The following RPL3 variants were observed in gnomAD, a reference collection of about 807,000 sequenced individuals.
RPL3 encodes the protein ribosomal protein L3.
In RPL3, 3 loss-of-function variants were observed where a neutral mutation model predicts 46.0. The ratio of observed to expected loss-of-function variants is 0.07; its 90% CI spans 0.03 to 0.17. RPL3 has a LOEUF of 0.17. Among genes scored for constraint, RPL3 ranks in the 10% least tolerant of loss-of-function variants. The pLI, the probability that RPL3 is intolerant of heterozygous loss-of-function variation, is 1.00. For synonymous variants in RPL3, 224 were observed against 190.8 expected (o/e 1.17, Z -1.43); for missense variants, 387 against 532.7 (o/e 0.73, Z 2.69).
chr22:39,318,913 G>C, intron 1 of RPL3: 2 of 461,376 alleles, frequency 4.3e-6, no homozygotes, highest in South Asian at 3.3e-5. Flanking sequence ...ATGCCAATTA[G>C]CAAGGTTTTG....
chr22:39,313,349 A>G (rs555810906), intron 8 of RPL3, 39 bp from the exon 9 acceptor site: 79 of 1,612,956 alleles, frequency 4.9e-5, no homozygotes, highest in Non-Finnish European at 8.5e-6. Context: ...GATTACGAGG[A>G]GCCAGGCTTT....
rs563044230 is a variant in RPL3 at position 39,319,606 on chromosome 22, C to T, written c.-9G>A. 1.3e-6 allele frequency: 2 copies of T among 1,545,664 alleles called. No individual in the cohort carries two copies. The highest frequency in any genetic ancestry group is 1.8e-6 in the Non-Finnish European group (2 of 1,140,232). ...ATTACAACACATACCATCACGCCAT[C>T]AAATCCCGCCGGTAGAGGCCGGTCG... On this transcript the variant is annotated 5_prime_UTR_variant, in exon 1 of 10. Coordinates refer to ENST00000216146, the MANE Select transcript of RPL3 (RefSeq NM_000967.4).
chr22:39,315,953 T>C (rs1432869871), intron 4 of RPL3, among the ~76,000 whole-genome samples: 3 of 152,092 alleles, frequency 2.0e-5, no homozygotes, highest in African/African-American at 7.2e-5. Flanking sequence ...AGTAAGAAAA[T>C]GCATCACCGG....
chr22:39,318,747 C>G (rs1922861322), intron 1 of RPL3, 155 bp from the exon 2 acceptor site: 1 of 642,824 alleles, frequency 1.6e-6, no homozygotes, highest in Admixed American at 3.0e-5. Flanking sequence ...CTTCCAGGCT[C>G]GCACGTGTCA....
At chr22:39,317,927 C>T in intron 2 of RPL3, 1 of 426,536 alleles carries the variant, frequency 2.3e-6, no homozygotes, top group Non-Finnish European at 4.3e-6. Flanking sequence ...AGTGCCCTAA[C>T]AATAGCTCTG....
intron 5 of RPL3, 104 bp from the exon 6 acceptor site, chr22:39,314,950 GA>G: frequency 6.7e-7 from 1 of 1,481,538 alleles, no homozygotes; most frequent in East Asian, 2.3e-5. Flanking sequence ...CTGAGGGAGT[GA>G]TAAGATTATT....
chr22:39,319,086 C>T (rs752386082), intron 1 of RPL3: 4 of 537,702 alleles, frequency 7.4e-6, no homozygotes, highest in African/African-American at 3.8e-5. Flanking sequence ...CAGTTTCTGT[C>T]CGCCCGTCAA....
At chr22:39,318,277 T>C (rs760309466) in intron 2 of RPL3, 123 bp downstream of exon 2, 2 of 950,030 alleles carry the variant, frequency 2.1e-6, no homozygotes, top group Non-Finnish European at 3.2e-6. Flanking sequence ...GCAGCAGTTC[T>C]GACAACGTGT....
intron 4 of RPL3, 118 bp from the exon 5 acceptor site, chr22:39,315,673 G>T: frequency 8.2e-7 from 1 of 1,212,784 alleles, no homozygotes; most frequent in South Asian, 1.4e-5. Context: ...CAGTAACTCT[G>T]AACAAGTCAC....
At chr22:39,314,508 C>T (rs1234769280) in intron 6 of RPL3, 178 bp downstream of exon 6, 3 of 790,750 alleles carry the variant, frequency 3.8e-6, no homozygotes, top group East Asian at 2.7e-5. Context: ...AGCCACTCTA[C>T]AGGATGGCAC....
intron 7 of RPL3, 138 bp from the exon 8 acceptor site, chr22:39,313,867 G>A (rs757201408): frequency 2.9e-5 from 27 of 927,410 alleles, no homozygotes; most frequent in Admixed American, 6.8e-5. Context: ...AGTCTGTCTC[G>A]GGCGCTGTGC....
At position 39,313,349 on chromosome 22, in the gene RPL3, A is replaced by T; in HGVS notation, c.1048-39T>A. The T allele has an allele frequency of 1.2e-6, 2 of 1,612,956 alleles. 1 individual carries two copies. ...GGGGAAGGGATTTAGGATTACGAGG[A>T]GCCAGGCTTTCCTCAGCACTGTTCA... On this transcript the variant is annotated intron_variant, in intron 8 of 9. Transcript: ENST00000216146.
chr22:39,314,698 C>T lies in RPL3; in HGVS notation c.837G>A (p.Glu279=), dbSNP rs771979459. The stretch of plus-strand genomic sequence containing the variant: ...CTCAGAACCTCACCTTCTTGTTGAT[C>T]TCAGTGCGGTGATGGTAGCCTTTCT... ...AGQKGYHHRT[E]INKKIYKIGQ... is the part of the protein sequence containing the mutation. Residue 279 remains glutamate (E), a synonymous_variant, in exon 6 of 10, where the codon GAG becomes GAA. Transcript: ENST00000216146. 6.2e-7 allele frequency: 1 copy of T among 1,612,788 alleles called. No individual in the cohort carries two copies. The highest frequency in any genetic ancestry group is 1.3e-5 in the African/African-American group (1 of 74,864).
intron 4 of RPL3, among the ~76,000 whole-genome samples, 163 bp downstream of exon 4, chr22:39,316,543 T>C (rs1232985571): frequency 6.6e-6 from 1 of 152,174 alleles, no homozygotes; most frequent in African/African-American, 2.4e-5. Flanking sequence ...CCAGTTGAAT[T>C]TTAAAGGGGA....
intron 6 of RPL3, 115 bp from the exon 7 acceptor site, chr22:39,314,323 C>G: frequency 1.1e-6 from 1 of 888,088 alleles, no homozygotes; most frequent in East Asian, 2.5e-5. Context: ...GTCCCAGTCA[C>G]AGCGTATCCC....
chr22:39,313,050 G>C, intron 9 of RPL3, 66 bp from the exon 10 acceptor site: 1 of 1,611,742 alleles, frequency 6.2e-7, no homozygotes, highest in Non-Finnish European at 8.5e-7. Context: ...CCACTCTAGA[G>C]GAGACCAAGA....
At chr22:39,313,546 CCT>C (rs1480426090) in intron 8 of RPL3, 86 bp downstream of exon 8, 2 of 1,364,724 alleles carry the variant, frequency 1.5e-6, no homozygotes, top group African/African-American at 2.9e-5. Flanking sequence ...TCCTTCCTTT[CCT>C]CTCCCACCAC....
intron 7 of RPL3, 128 bp from the exon 8 acceptor site, chr22:39,313,857 A>G (rs369130087): frequency 1.0e-6 from 1 of 966,150 alleles, no homozygotes; most frequent in Admixed American, 1.7e-5. Flanking sequence ...ACGGTTCCGC[A>G]GTCTGTCTCG....
At chr22:39,313,998 G>A (rs1021182791) in intron 7 of RPL3, 109 bp downstream of exon 7, 44 of 938,724 alleles carry the variant, frequency 4.7e-5, no homozygotes, top group Non-Finnish European at 7.4e-5. Flanking sequence ...ACAGCTAGGT[G>A]TTGTGTTGGC....
Sources: allele counts gnomAD v4.1 joint callset (sites outside exome capture counted in the v4.1 genomes callset), GRCh38; gene constraint gnomAD v4.1.1; transcripts MANE v1.5; gene names NCBI Gene and HGNC (gene_info 2026-07-23, HGNC 2026-07-21).